FANCC: variants seen among roughly 807,000 people sequenced by gnomAD.
FANCC encodes the protein FA complementation group C, also known as Fanconi anemia group C protein.
FANCC carries 55 observed loss-of-function variants against 71.3 expected under a neutral mutation model. That is an observed-to-expected ratio of 0.77 (90% CI 0.62 to 0.97). FANCC has a LOEUF of 0.97. Ranked by LOEUF, FANCC falls within the 50% of genes least tolerant of loss-of-function variation. FANCC has a pLI of 0.00. For synonymous variants in FANCC, 275 were observed against 244.9 expected (o/e 1.12, Z -1.15); for missense variants, 678 against 670.9 (o/e 1.01, Z -0.12).
intron 7 of FANCC, among the ~76,000 whole-genome samples, chr9:95,139,181 C>G (rs568788124): frequency 6.6e-6 from 1 of 152,240 alleles, no homozygotes; most frequent in South Asian, 2.1e-4. Context: ...TGCAAATGGC[C>G]GATAAAAATG....
At chr9:95,292,044 G>T (rs1834052987) in intron 1 of FANCC, among the ~76,000 whole-genome samples, 1 of 144,500 alleles carries the variant, frequency 6.9e-6, no homozygotes, top group South Asian at 2.2e-4. Flanking sequence ...CAAAGCTAGA[G>T]GCATCAATCT....
intron 1 of FANCC, among the ~76,000 whole-genome samples, chr9:95,255,802 A>C (rs1831619848): frequency 6.6e-6 from 1 of 152,112 alleles, no homozygotes; most frequent in Non-Finnish European, 1.5e-5. Flanking sequence ...AGAATCTTGA[A>C]AAAAGGTTAG....
intron 1 of FANCC, among the ~76,000 whole-genome samples, chr9:95,268,634 T>C (rs1350095929): frequency 6.6e-6 from 1 of 152,084 alleles, no homozygotes; most frequent in Non-Finnish European, 1.5e-5. Flanking sequence ...ATATAAAAAA[T>C]CTTGGAAAAC....
Position 95,312,636 on chromosome 9 carries a change from A to T in FANCC, c.-79+4890T>A, listed in dbSNP as rs375096992. On this transcript the variant is annotated intron_variant, in intron 1 of 14. Transcript: ENST00000289081. ...CTCGCAAAGTGCTGGGATTACAGGC[A>T]TAAGTCACCATGCCCAGTCAAGAAC... Among the ~76,000 whole-genome samples, 12 of 152,370 alleles carry T rather than the reference A, an allele frequency of 7.9e-5. No individual in the cohort carries two copies. In the East Asian group the frequency reaches 1.7e-3, roughly 22 times the overall value.
At chr9:95,114,938 T>G (rs563784495) in intron 11 of FANCC, among the ~76,000 whole-genome samples, 1 of 152,314 alleles carries the variant, frequency 6.6e-6, no homozygotes, top group African/African-American at 2.4e-5. Context: ...TCTAATCTTT[T>G]AATTTTAGTT....
intron 4 of FANCC, among the ~76,000 whole-genome samples, chr9:95,214,199 A>G (rs546138348): frequency 6.6e-6 from 1 of 152,314 alleles, no homozygotes; most frequent in East Asian, 1.9e-4. Flanking sequence ...AGGCCGAGGC[A>G]GGAGGACTGC....
At chr9:95,150,232 A>C in intron 6 of FANCC, 145 bp from the exon 7 acceptor site, 1 of 744,706 alleles carries the variant, frequency 1.3e-6, no homozygotes, top group Non-Finnish European at 2.3e-6. Context: ...CCATCGATGA[A>C]CACTTCTCTT....
At chr9:95,210,067 C>T (rs4647460) in intron 4 of FANCC, among the ~76,000 whole-genome samples, 4,961 of 152,138 alleles carry the variant, frequency 0.033, 281 homozygotes, top group African/African-American at 0.11. Context: ...AAAAAATACA[C>T]CATCAAGCAA....
In FANCC at chr9:95,105,056, G is replaced by A. The variant is rs564494460; in HGVS notation, c.1533+2010C>T. On this transcript the variant is annotated intron_variant, in intron 14 of 14. Coordinates refer to ENST00000289081, the MANE Select transcript of FANCC (RefSeq NM_000136.3). ...ACAATAGATTCTCGAAAGCATTCTC[G>A]CTGTGCTGGGGCCGGGCCCAAAGAG... Among the ~76,000 whole-genome samples the A allele has an allele frequency of 1.7e-4, 26 of 152,314 alleles. No individual in the cohort carries two copies. In the South Asian group the frequency reaches 5.2e-3, roughly 30 times the overall value.
At chr9:95,111,114 C>A in intron 13 of FANCC, 1 of 1,525,806 alleles carries the variant, frequency 6.6e-7, no homozygotes, top group Non-Finnish European at 8.8e-7. Context: ...TGCCGGCACA[C>A]CCCTCAGAAC....
chr9:95,196,727 C>T (rs933454629), intron 4 of FANCC, among the ~76,000 whole-genome samples: 4 of 152,170 alleles, frequency 2.6e-5, no homozygotes, highest in Admixed American at 1.3e-4. Context: ...CTGTCTGCTT[C>T]GGTTCACATT....
intron 4 of FANCC, among the ~76,000 whole-genome samples, chr9:95,217,675 C>G (rs1453316790): frequency 2.6e-5 from 4 of 151,654 alleles, no homozygotes; most frequent in Non-Finnish European, 5.9e-5. Flanking sequence ...AAAGAAAGGT[C>G]TCTGAGCAAG....
At chr9:95,106,309 T>G (rs1243283313) in intron 14 of FANCC, among the ~76,000 whole-genome samples, 1 of 152,232 alleles carries the variant, frequency 6.6e-6, no homozygotes, top group Non-Finnish European at 1.5e-5. Flanking sequence ...TGAATTGGGT[T>G]GTTTATCTTT....
intron 4 of FANCC, among the ~76,000 whole-genome samples, chr9:95,174,231 G>A (rs1255146654): frequency 2.6e-5 from 4 of 152,018 alleles, no homozygotes; most frequent in East Asian, 1.9e-4. Context: ...TAGAGGAAAC[G>A]GACACTATGA....
intron 7 of FANCC, among the ~76,000 whole-genome samples, chr9:95,146,329 A>C (rs1829538866): frequency 6.6e-6 from 1 of 151,702 alleles, no homozygotes; most frequent in Non-Finnish European, 1.5e-5. Flanking sequence ...TCTACCGAAA[A>C]TACAAAAAAT....
chr9:95,103,375 C>G (rs1228869683), intron 14 of FANCC, among the ~76,000 whole-genome samples: 1 of 152,206 alleles, frequency 6.6e-6, no homozygotes, highest in African/African-American at 2.4e-5. Context: ...GGGTTCAATT[C>G]ATTTTGAGTT....
At chr9:95,300,012 GA>G (rs1194941185) in intron 1 of FANCC, among the ~76,000 whole-genome samples, 1 of 152,098 alleles carries the variant, frequency 6.6e-6, no homozygotes, top group Non-Finnish European at 1.5e-5. Context: ...CAGAAGTAGG[GA>G]CTTTATCAGT....
At chr9:95,109,294 C>T (rs138814717) in intron 13 of FANCC, among the ~76,000 whole-genome samples, 1 of 152,284 alleles carries the variant, frequency 6.6e-6, no homozygotes, top group Non-Finnish European at 1.5e-5. Flanking sequence ...AGTAGCCTTA[C>T]TATTGAAAGT....
intron 13 of FANCC, chr9:95,110,748 T>G (rs1243421246): frequency 9.1e-7 from 1 of 1,099,420 alleles, no homozygotes; most frequent in Non-Finnish European, 1.1e-6. Flanking sequence ...CATAGAGCAC[T>G]GGCAGTTGAA....
Sources: allele counts gnomAD v4.1 joint callset (sites outside exome capture counted in the v4.1 genomes callset), GRCh38; gene constraint gnomAD v4.1.1; transcripts MANE v1.5; gene names NCBI Gene and HGNC (gene_info 2026-07-23, HGNC 2026-07-21).